ATP2C2: variants seen among roughly 807,000 people sequenced by gnomAD.
ATP2C2 encodes ATPase secretory pathway Ca2+ transporting 2, also known as calcium-transporting ATPase type 2C member 2.
A neutral mutation model predicts 110.8 loss-of-function variants in ATP2C2; 171 were observed. The ratio of observed to expected loss-of-function variants is 1.54; its 90% CI spans 1.36 to 1.75. The LOEUF (loss-of-function observed/expected upper bound fraction) is 1.75. ATP2C2 is among the 40% of genes most tolerant of loss of function. ATP2C2 has a pLI of 0.00. For synonymous variants in ATP2C2, 804 were observed against 508.4 expected, an observed-to-expected ratio of 1.58 and a Z score of -7.82; for missense variants, 1,963 against 1,235.0, an observed-to-expected ratio of 1.59 and a Z score of -8.84.
intron 17 of ATP2C2, among the ~76,000 whole-genome samples, chr16:84,449,807 C>T (rs1176693467): frequency 6.6e-6 from 1 of 152,226 alleles, no homozygotes; most frequent in Non-Finnish European, 1.5e-5. Context: ...CTGTTCTTGT[C>T]ACATCACGCC....
Position 84,453,829 on chromosome 16 carries a change from A to G in ATP2C2, c.1980+458A>G, listed in dbSNP as rs1283570572. On this transcript the variant is annotated intron_variant, in intron 20 of 26. Coordinates refer to ENST00000262429, the MANE Select transcript of ATP2C2 (RefSeq NM_014861.4). ...AGAGGGAAAAACTAAAAGAGAAGCTATCTTTTTTTTTTCTGGGGGTGGGGT... is the reference window on the plus strand; with the variant it reads ...AGAGGGAAAAACTAAAAGAGAAGCTGTCTTTTTTTTTTCTGGGGGTGGGGT... 2.7e-5 allele frequency among the ~76,000 whole-genome samples: 4 copies of G among 149,460 alleles called. No individual in the cohort carries two copies. The South Asian group carries it at 8.3e-4, about 31-fold the overall frequency.
At chr16:84,385,930 C>G (rs1192905691) in intron 1 of ATP2C2, among the ~76,000 whole-genome samples, 3 of 152,200 alleles carry the variant, frequency 2.0e-5, no homozygotes, top group Non-Finnish European at 2.9e-5. Flanking sequence ...TATCAGAGTC[C>G]TAGTTGATTA....
At chr16:84,376,242 G>T (rs1418745754) in intron 1 of ATP2C2, among the ~76,000 whole-genome samples, 3 of 152,196 alleles carry the variant, frequency 2.0e-5, no homozygotes, top group African/African-American at 7.2e-5. Flanking sequence ...AAGGTCTCTG[G>T]TTCAAGGAAG....
chr16:84,372,422 G>A (rs1597722566), intron 1 of ATP2C2, among the ~76,000 whole-genome samples: 1 of 152,132 alleles, frequency 6.6e-6, no homozygotes, highest in Non-Finnish European at 1.5e-5. Flanking sequence ...TTAAAGAAAT[G>A]TACTGCAACC....
At position 84,415,583 on chromosome 16, in the gene ATP2C2, C is replaced by T; in HGVS notation, c.616C>T (p.Leu206Phe). The T allele has an allele frequency of 6.2e-7, 1 of 1,613,126 alleles. No homozygotes were observed. Among genetic ancestry groups the T allele is most frequent in the Non-Finnish European group, 8.5e-7 (1 of 1,179,416 alleles). The change falls in exon 7 of 27, where the codon CTC becomes TTC. Residue 206 changes from leucine to phenylalanine, a missense_variant. Transcript: ENST00000262429. ...AGACCGGATCCCTGCAGACATCCGA[C>T]TCACTGAGGTGAGTGGTTCCAAACC... Reference protein sequence around the residue: ...IGDRIPADIRLTEVTDLLVDE... With the variant: ...IGDRIPADIRFTEVTDLLVDE...
At chr16:84,376,899 A>T (rs1157265680) in intron 1 of ATP2C2, among the ~76,000 whole-genome samples, 1 of 152,218 alleles carries the variant, frequency 6.6e-6, no homozygotes, top group African/African-American at 2.4e-5. Context: ...GGCCCTGCTG[A>T]AGGGTTCTTG....
At chr16:84,413,383 G>A (rs1218798435) in intron 6 of ATP2C2, among the ~76,000 whole-genome samples, 1 of 152,104 alleles carries the variant, frequency 6.6e-6, no homozygotes, top group African/African-American at 2.4e-5. Context: ...AATGACGAAG[G>A]ACCAAATAGG....
intron 2 of ATP2C2, among the ~76,000 whole-genome samples, chr16:84,402,275 A>G (rs1905375466): frequency 6.6e-6 from 1 of 152,202 alleles, no homozygotes; most frequent in Admixed American, 6.5e-5. Flanking sequence ...AACAAGAATA[A>G]TTTGACTTCT....
chr16:84,402,999 G>A (rs1328864322), intron 2 of ATP2C2, among the ~76,000 whole-genome samples: 2 of 152,052 alleles, frequency 1.3e-5, no homozygotes, highest in African/African-American at 4.8e-5. Flanking sequence ...TTTCTTCATG[G>A]TTCCATCTTG....
chr16:84,401,434 A>G (rs1905315088), intron 2 of ATP2C2, among the ~76,000 whole-genome samples: 1 of 152,050 alleles, frequency 6.6e-6, no homozygotes, highest in South Asian at 2.1e-4. Flanking sequence ...CATGTTGACC[A>G]GGCTGATCTC....
At chr16:84,419,746 A>G (rs12922606) in intron 7 of ATP2C2, among the ~76,000 whole-genome samples, 24,686 of 152,016 alleles carry the variant, frequency 0.16, 2,304 homozygotes, top group African/African-American at 0.24. Flanking sequence ...CTGGGTACCG[A>G]GGACACCGTG....
intron 11 of ATP2C2, among the ~76,000 whole-genome samples, chr16:84,427,052 G>A (rs984313798): frequency 6.6e-6 from 1 of 152,164 alleles, no homozygotes; most frequent in Non-Finnish European, 1.5e-5. Flanking sequence ...AGGGAGCCTA[G>A]GGGCTGTGCC....
At chr16:84,403,164 C>T (rs1000650347) in intron 2 of ATP2C2, among the ~76,000 whole-genome samples, 11 of 151,652 alleles carry the variant, frequency 7.3e-5, no homozygotes, top group East Asian at 5.8e-4. Context: ...TTATTTGGTT[C>T]TTCTCTCTTT....
intron 2 of ATP2C2, among the ~76,000 whole-genome samples, chr16:84,403,867 T>A (rs1905519310): frequency 2.0e-5 from 3 of 152,156 alleles, no homozygotes; most frequent in African/African-American, 7.2e-5. Flanking sequence ...ATTCTTGTAT[T>A]TTTAGTAGAG....
At chr16:84,377,396 G>C (rs7191866) in intron 1 of ATP2C2, among the ~76,000 whole-genome samples, 18,110 of 152,098 alleles carry the variant, frequency 0.12, 1,301 homozygotes, top group South Asian at 0.24. Context: ...TGTCCAGCCA[G>C]CTGCCCTTGC....
chr16:84,423,168 C>G lies in ATP2C2; in HGVS notation c.844-20C>G. On this transcript the variant is annotated intron_variant, in intron 9 of 26. Transcript: ENST00000262429. ...AAGCTAGGATCTTGTCCAACTAACC[C>G]ATTGTGCTCACCCTTTCAGACACCT... The G allele has an allele frequency of 6.2e-7, 1 of 1,609,280 alleles. No homozygotes were observed. The highest frequency in any genetic ancestry group is 8.5e-7 in the Non-Finnish European group (1 of 1,175,808).
intron 11 of ATP2C2, among the ~76,000 whole-genome samples, chr16:84,434,578 T>C (rs1567721625): frequency 6.6e-6 from 1 of 151,516 alleles, no homozygotes; most frequent in Non-Finnish European, 1.5e-5. Flanking sequence ...AGTGCAGTGA[T>C]GTGATCTCGG....
intron 15 of ATP2C2, among the ~76,000 whole-genome samples, chr16:84,443,437 C>T (rs1909452865): frequency 6.6e-6 from 1 of 152,140 alleles, no homozygotes; most frequent in African/African-American, 2.4e-5. Flanking sequence ...GATCAGAACC[C>T]TCTCCATCAA....
intron 1 of ATP2C2, 94 bp downstream of exon 1, chr16:84,368,808 C>A: frequency 1.8e-6 from 2 of 1,109,738 alleles, no homozygotes; most frequent in Non-Finnish European, 2.5e-6. Flanking sequence ...GTTCGCGCTG[C>A]GATCCGCGAA....
Sources: allele counts gnomAD v4.1 joint callset (sites outside exome capture counted in the v4.1 genomes callset), GRCh38; gene constraint gnomAD v4.1.1; transcripts MANE v1.5; gene names NCBI Gene and HGNC (gene_info 2026-07-23, HGNC 2026-07-21).